Variants in ARSK observed in about 807,000 individuals in gnomAD.
ARSK encodes arylsulfatase K.
In ARSK, 37 loss-of-function variants were observed where a neutral mutation model predicts 53.2. That is an observed-to-expected ratio of 0.70 (90% CI 0.54 to 0.92). The LOEUF is 0.92. Ranked by LOEUF, ARSK falls within the 40% of genes least tolerant of loss-of-function variation. The pLI, the probability that ARSK is intolerant of heterozygous loss-of-function variation, is 0.00. For synonymous variants in ARSK, 208 were observed against 223.2 expected (o/e 0.93, Z 0.61); for missense variants, 613 against 643.0 (o/e 0.95, Z 0.51).
At chr5:95,588,641 A>G (rs1749163176) in intron 5 of ARSK, among the ~76,000 whole-genome samples, 1 of 151,932 alleles carries the variant, frequency 6.6e-6, no homozygotes, top group Non-Finnish European at 1.5e-5. Context: ...GCACTGGGGG[A>G]GTATAGTATG....
At position 95,555,257 on chromosome 5, in the gene ARSK, G is replaced by T; in HGVS notation, c.-22G>T. On this transcript the variant is annotated 5_prime_UTR_variant, in exon 1 of 8. Coordinates refer to ENST00000380009, the MANE Select transcript of ARSK (RefSeq NM_198150.3). The surrounding 1 kb of genome is among the most constrained non-coding windows in gnomAD (Gnocchi z 4.0). ...AGGGAGGCGGCTGGCCCGGCGGCAG[G>T]CTCTCAGAACCGCTACCGGCGATGC... 6.3e-7 allele frequency: 1 copy of T among 1,580,632 alleles called. No homozygotes were observed. Among genetic ancestry groups the T allele is most frequent in the East Asian group, 2.3e-5 (1 of 43,384 alleles).
Position 95,583,103 on chromosome 5 carries a change from T to G in ARSK, c.604T>G (p.Leu202Val). The stretch of plus-strand genomic sequence containing the variant: ...TTACACTGAACCATTTGTTATTTAC[T>G]TGGGATTAAATTTACCACACCCTTA... ...INYTEPFVIY[L>V]GLNLPHPYPS... The change falls in exon 4 of 8, where the codon TTG becomes GTG. Residue 202 changes from leucine to valine, a missense_variant. Physicochemically the swap from Leu to Val is conservative, Grantham distance 32. Coordinates refer to ENST00000380009, the MANE Select transcript of ARSK (RefSeq NM_198150.3). 3 of 1,613,654 alleles carry G rather than the reference T, an allele frequency of 1.9e-6. No homozygotes were observed. Among genetic ancestry groups the G allele is most frequent in the Non-Finnish European group, 2.5e-6 (3 of 1,179,640 alleles).
intron 5 of ARSK, among the ~76,000 whole-genome samples, chr5:95,588,974 C>A (rs1028874762): frequency 4.0e-4 from 54 of 134,452 alleles, no homozygotes; most frequent in East Asian, 2.0e-4. Flanking sequence ...AACAAACAAA[C>A]AAAAAAAAAA....
chr5:95,600,528 T>A, intron 6 of ARSK: 1 of 455,442 alleles, frequency 2.2e-6, no homozygotes, highest in Non-Finnish European at 4.2e-6. Context: ...CTGCCAGGCA[T>A]TGTCCTCAGA....
rs1397672605 is a variant in ARSK at position 95,555,234 on chromosome 5, G to A, written c.-45G>A. On this transcript the variant is annotated 5_prime_UTR_variant, in exon 1 of 8. Transcript: ENST00000380009. The surrounding 1 kb of genome is among the most constrained non-coding windows in gnomAD (Gnocchi z 4.0). ...CTCTGCTAGGGAGAGAACGCCAGAG[G>A]GAGGCGGCTGGCCCGGCGGCAGGCT... 7 of 1,539,396 alleles carry A rather than the reference G, an allele frequency of 4.5e-6. No homozygotes were observed. Among genetic ancestry groups the A allele is most frequent in the African/African-American group, 1.4e-5 (1 of 72,756 alleles).
intron 3 of ARSK, among the ~76,000 whole-genome samples, chr5:95,570,220 A>G (rs759401568): frequency 4.6e-5 from 7 of 152,210 alleles, no homozygotes; most frequent in Non-Finnish European, 7.3e-5. Context: ...GAGACCCTAC[A>G]TGATCTAGCC....
Position 95,604,701 on chromosome 5 carries a change from CA to C in ARSK, c.*1176del, listed in dbSNP as rs1296645034. ...GTCTTCTTATCCTTTGCCAACCTAA[CA>C]GATAAAAATGTTCTATTTTTATTTT... is the stretch of plus-strand genomic sequence containing the variant. On this transcript the variant is annotated 3_prime_UTR_variant, in exon 8 of 8. Transcript: ENST00000380009. The C allele has an allele frequency of 6.6e-6, 1 of 152,184 alleles. No individual in the cohort carries two copies. Among genetic ancestry groups the C allele is most frequent in the African/African-American group, 2.4e-5 (1 of 41,438 alleles). 9.4% of individuals were successfully genotyped at this position (152,184 alleles called of 1,614,324 possible).
Position 95,591,480 on chromosome 5 carries a change from G to C in ARSK, c.951G>C (p.Leu317=), listed in dbSNP as rs780767495. The C allele has an allele frequency of 6.2e-7, 1 of 1,613,876 alleles. No individual in the cohort carries two copies. Among genetic ancestry groups the C allele is most frequent in the Non-Finnish European group, 8.5e-7 (1 of 1,179,914 alleles). The change falls in exon 6 of 8, where the codon CTG becomes CTC. Residue 317 remains leucine (L), a synonymous_variant. Coordinates refer to ENST00000380009, the MANE Select transcript of ARSK (RefSeq NM_198150.3). ...TATACTCCTCAGACCATGGAGAGCT[G>C]GCCATGGAACATCGACAGTTTTATA... ...IVIYSSDHGE[L]AMEHRQFYKM... is the part of the protein sequence containing the mutation.
At chr5:95,578,235 T>C (rs1030614153) in intron 3 of ARSK, among the ~76,000 whole-genome samples, 1 of 152,076 alleles carries the variant, frequency 6.6e-6, no homozygotes, top group Non-Finnish European at 1.5e-5. Context: ...CACTGAAGCC[T>C]CAAACTCCTG....
rs1021939923 is a variant in ARSK at position 95,560,101 on chromosome 5, A to T, written c.126+4697A>T. Among the ~76,000 whole-genome samples, 21 of 152,234 alleles carry T rather than the reference A, an allele frequency of 1.4e-4. 1 individual carries two copies. Among genetic ancestry groups the T allele is most frequent in the Non-Finnish European group, 2.4e-4 (16 of 68,032 alleles). On this transcript the variant is annotated intron_variant, in intron 1 of 7. Transcript: ENST00000380009. ...TTTAAAGTAACATCAGAATGGATGA[A>T]ATACTTAAAATAAATCTAATCAAGG...
chr5:95,577,875 G>A (rs1416037471), intron 3 of ARSK, among the ~76,000 whole-genome samples: 2 of 152,054 alleles, frequency 1.3e-5, no homozygotes, highest in Non-Finnish European at 2.9e-5. Context: ...GCAAAGAAAT[G>A]CATGAATAAG....
chr5:95,579,860 T>A (rs1748992986), intron 3 of ARSK, among the ~76,000 whole-genome samples: 1 of 152,210 alleles, frequency 6.6e-6, no homozygotes, highest in Non-Finnish European at 1.5e-5. Context: ...ATGCTCCATA[T>A]CTGAGCTCCT....
chr5:95,586,745 A>G lies in ARSK; in HGVS notation c.871+12A>G. 6.4e-7 allele frequency: 1 copy of G among 1,564,576 alleles called. No individual in the cohort carries two copies. Among genetic ancestry groups the G allele is most frequent in the East Asian group, 2.3e-5 (1 of 43,774 alleles). Reference sequence around the variant, plus strand: ...AGATGCCATGCTTGGTAGGTGGTATAATTAATAAGCAATTACATGAAGAAA... The same window carrying G: ...AGATGCCATGCTTGGTAGGTGGTATGATTAATAAGCAATTACATGAAGAAA... On this transcript the variant is annotated intron_variant, in intron 5 of 7. Coordinates refer to ENST00000380009, the MANE Select transcript of ARSK (RefSeq NM_198150.3).
intron 5 of ARSK, among the ~76,000 whole-genome samples, chr5:95,588,271 T>C (rs1191759512): frequency 6.6e-6 from 1 of 151,492 alleles, no homozygotes; most frequent in Non-Finnish European, 1.5e-5. Flanking sequence ...AGAGTCTAGT[T>C]CTGTCTCCAG....
rs149297575 is a variant in ARSK, at chr5:95,587,091, G to A, written c.871+358G>A. On this transcript the variant is annotated intron_variant, in intron 5 of 7. Coordinates refer to ENST00000380009, the MANE Select transcript of ARSK (RefSeq NM_198150.3). Reference sequence around the variant, plus strand: ...TAAGGCAGCTTAGGTTTCTAGAGATGAGAAAATTTACTTGTAGAATCTTGT... The same window carrying A: ...TAAGGCAGCTTAGGTTTCTAGAGATAAGAAAATTTACTTGTAGAATCTTGT... 2.9e-3 allele frequency among the ~76,000 whole-genome samples: 436 copies of A among 152,300 alleles called. 8 individuals carry two copies. The highest frequency in any genetic ancestry group is 0.025 in the Admixed American group (379 of 15,284).
At chr5:95,591,110 C>G (rs2112441368) in intron 5 of ARSK, among the ~76,000 whole-genome samples, 1 of 152,150 alleles carries the variant, frequency 6.6e-6, no homozygotes, top group South Asian at 2.1e-4. Flanking sequence ...AGATTTTTTC[C>G]CCTATTCTCT....
At chr5:95,598,925 A>C (rs1749354135) in intron 6 of ARSK, among the ~76,000 whole-genome samples, 1 of 152,146 alleles carries the variant, frequency 6.6e-6, no homozygotes, top group African/African-American at 2.4e-5. Flanking sequence ...ACACTGTCTA[A>C]ATGTGACCTT....
chr5:95,577,906 C>T (rs1475578304), intron 3 of ARSK, among the ~76,000 whole-genome samples: 1 of 151,968 alleles, frequency 6.6e-6, no homozygotes, highest in African/African-American at 2.4e-5. Flanking sequence ...GGGGCATTAG[C>T]TATTATAATT....
intron 3 of ARSK, among the ~76,000 whole-genome samples, chr5:95,569,464 T>G (rs1056582979): frequency 6.6e-6 from 1 of 152,000 alleles, no homozygotes; most frequent in Non-Finnish European, 1.5e-5. Flanking sequence ...AAATCATGAC[T>G]GCTGTCTTTA....
Sources: allele counts gnomAD v4.1 joint callset (sites outside exome capture counted in the v4.1 genomes callset), GRCh38; gene constraint gnomAD v4.1.1; non-coding constraint Gnocchi (gnomAD v3.1); transcripts MANE v1.5; gene names NCBI Gene and HGNC (gene_info 2026-07-23, HGNC 2026-07-21).